Variants in TENM3 observed in about 807,000 individuals in gnomAD.
The protein encoded by TENM3 is teneurin transmembrane protein 3.
A neutral mutation model predicts 255.1 loss-of-function variants in TENM3; 63 were observed. The ratio of observed to expected loss-of-function variants is 0.25; its 90% confidence interval spans 0.20 to 0.30. The LOEUF (loss-of-function observed/expected upper bound fraction) is 0.30. TENM3 is among the 10% of genes least tolerant of loss of function. The pLI is 1.00. For synonymous variants in TENM3, 1,306 were observed against 1,322.3 expected, an observed-to-expected ratio of 0.99 and a Z score of 0.27; for missense variants, 2,929 against 3,461.1, an observed-to-expected ratio of 0.85 and a Z score of 3.86.
chr4:181,883,873 G>A, the TENM3 span, among the ~76,000 whole-genome samples: 28 of 152,310 alleles, frequency 1.8e-4, no homozygotes, highest in African/African-American at 6.7e-4. Flanking sequence ...CCTAAGATGG[G>A]TCTGGTTGCT....
chr4:182,161,055 G>T (rs1200827886), intron 1 of TENM3, among the ~76,000 whole-genome samples: 2 of 151,892 alleles, frequency 1.3e-5, no homozygotes, highest in East Asian at 3.9e-4. Flanking sequence ...GAGGTGGGTG[G>T]ATCACTTGGG....
intron 3 of TENM3, among the ~76,000 whole-genome samples, chr4:182,360,120 T>C (rs570601502): frequency 6.7e-6 from 1 of 148,674 alleles, no homozygotes; most frequent in Admixed American, 6.7e-5. Context: ...TTACATTTGC[T>C]GAGGAGAGCT....
At chr4:182,536,300 A>G (rs188716382) in intron 3 of TENM3, among the ~76,000 whole-genome samples, 182 of 152,340 alleles carry the variant, frequency 1.2e-3, no homozygotes, top group Admixed American at 4.0e-3. Context: ...TTAACATGCA[A>G]ATAGCCTCTC....
chr4:181,509,229 A>C, the TENM3 span, among the ~76,000 whole-genome samples: 518 of 152,208 alleles, frequency 3.4e-3, no homozygotes, highest in African/African-American at 0.012. Context: ...AGAGGTCAAA[A>C]TTGGGCAATA....
the TENM3 span, among the ~76,000 whole-genome samples, chr4:181,855,375 C>T: frequency 1.3e-5 from 2 of 152,174 alleles, no homozygotes; most frequent in East Asian, 3.9e-4. Flanking sequence ...GCATGTACTT[C>T]TCTAAACTTA....
chr4:181,914,045 T>G, the TENM3 span, among the ~76,000 whole-genome samples: 848 of 152,336 alleles, frequency 5.6e-3, 9 homozygotes, highest in African/African-American at 0.019. Context: ...CACTTTCTAC[T>G]TCTAACCTTT....
At chr4:182,596,044 CA>C (rs1253306930) in intron 3 of TENM3, among the ~76,000 whole-genome samples, 1 of 152,112 alleles carries the variant, frequency 6.6e-6, no homozygotes, top group African/African-American at 2.4e-5. Flanking sequence ...GATGACCCCA[CA>C]AGGTGCTATT....
the TENM3 span, among the ~76,000 whole-genome samples, chr4:181,465,928 C>G: frequency 6.6e-6 from 1 of 152,186 alleles, no homozygotes; most frequent in South Asian, 2.1e-4. Context: ...TGGGAAATAA[C>G]CTTTTCCCTT....
chr4:182,306,747 A>G (rs568035033), intron 1 of TENM3, among the ~76,000 whole-genome samples: 12 of 152,338 alleles, frequency 7.9e-5, no homozygotes, highest in Admixed American at 3.9e-4. Context: ...CAAGTTGTAC[A>G]TACTAGAAAG....
At chr4:182,219,204 A>G (rs1460400082) in intron 1 of TENM3, among the ~76,000 whole-genome samples, 2 of 152,212 alleles carry the variant, frequency 1.3e-5, no homozygotes, top group Non-Finnish European at 2.9e-5. Flanking sequence ...CCTGGGTGAC[A>G]GAGCAAGACT....
chr4:181,824,106 T>C, the TENM3 span, among the ~76,000 whole-genome samples: 53,968 of 151,900 alleles, frequency 0.36, 10,198 homozygotes, highest in South Asian at 0.45. Flanking sequence ...AATAATATAA[T>C]CTATATATTT....
At chr4:182,753,294 G>T (rs1762504248) in intron 20 of TENM3, among the ~76,000 whole-genome samples, 156 bp from the exon 21 acceptor site, 1 of 152,112 alleles carries the variant, frequency 6.6e-6, no homozygotes, top group South Asian at 2.1e-4. Flanking sequence ...GCCTGTGTTG[G>T]TTTTTTCTAA....
At chr4:181,976,465 T>C in the TENM3 span, 4 of 152,228 alleles carry the variant, frequency 2.6e-5, no homozygotes, top group Non-Finnish European at 5.9e-5. Context: ...TTTGTGAATA[T>C]GAGACCCGAT....
the TENM3 span, among the ~76,000 whole-genome samples, chr4:181,866,534 T>C: frequency 5.1e-4 from 77 of 152,326 alleles, no homozygotes; most frequent in African/African-American, 1.8e-3. Context: ...TATTCTAATC[T>C]GTGAACCCTA....
the TENM3 span, among the ~76,000 whole-genome samples, chr4:181,862,827 T>C: frequency 6.6e-6 from 1 of 152,108 alleles, no homozygotes; most frequent in Non-Finnish European, 1.5e-5. Flanking sequence ...ATAAAACATA[T>C]GAAACATGAA....
At chr4:181,794,666 C>CTGTGTGTGTG in the TENM3 span, among the ~76,000 whole-genome samples, 19,176 of 142,734 alleles carry the variant, frequency 0.13, 1,351 homozygotes, top group East Asian at 0.21. Context: ...AATAATATCC[C>CTGTGTGTGTG]TGTGTGTGTG....
intron 19 of TENM3, among the ~76,000 whole-genome samples, chr4:182,744,487 C>T (rs1462332715): frequency 1.3e-5 from 2 of 152,092 alleles, no homozygotes; most frequent in Non-Finnish European, 2.9e-5. Context: ...CCATGTTGAA[C>T]AGCATGAAAC....
At chr4:182,008,022 C>G in the TENM3 span, among the ~76,000 whole-genome samples, 2 of 152,134 alleles carry the variant, frequency 1.3e-5, no homozygotes, top group Non-Finnish European at 2.9e-5. Context: ...GTTAAAAATT[C>G]TTTTCTTTAA....
the TENM3 span, among the ~76,000 whole-genome samples, chr4:181,532,910 T>C: frequency 6.6e-6 from 1 of 152,324 alleles, no homozygotes; most frequent in East Asian, 1.9e-4. Flanking sequence ...TTTTTGATGA[T>C]TTTCTTAAAA....
Sources: gnomAD v4.1 joint callset for allele counts (sites outside exome capture counted in the v4.1 genomes callset) on GRCh38, gnomAD v4.1.1 for gene constraint, MANE v1.5 for transcripts, NCBI Gene and HGNC (gene_info 2026-07-23, HGNC 2026-07-21) for gene names.